The following ARHGEF4 variants were observed in gnomAD, a reference collection of about 807,000 sequenced individuals.
The protein encoded by ARHGEF4 is Rho guanine nucleotide exchange factor 4, also known as APC-stimulated guanine nucleotide exchange factor 1.
Under a neutral mutation model 162.0 loss-of-function variants are expected in ARHGEF4, and 119 were observed. That is an observed-to-expected ratio of 0.73 (90% CI 0.63 to 0.86). The LOEUF (loss-of-function observed/expected upper bound fraction) is 0.86. Ranked by LOEUF, ARHGEF4 falls within the 40% of genes least tolerant of loss-of-function variation. The probability of loss-of-function intolerance (pLI) is 0.00; values close to 1 mark genes in which losing one functional copy is unlikely to be tolerated. For synonymous variants in ARHGEF4, 1,014 were observed against 979.9 expected (o/e 1.03, Z -0.65); for missense variants, 2,488 against 2,456.0 (o/e 1.01, Z -0.28).
intron 1 of ARHGEF4, among the ~76,000 whole-genome samples, chr2:130,868,215 A>G (rs1454006344): frequency 1.3e-5 from 2 of 151,808 alleles, no homozygotes; most frequent in Non-Finnish European, 2.9e-5. Context: ...GTGAGCCACC[A>G]CACCCGGCCA....
At chr2:131,043,309 C>T in intron 10 of ARHGEF4, 143 bp from the exon 11 acceptor site, 1 of 1,103,652 alleles carries the variant, frequency 9.1e-7, no homozygotes, top group Non-Finnish European at 1.3e-6. Context: ...GCCACCTCTT[C>T]CTCCCCCTCC....
intron 3 of ARHGEF4, among the ~76,000 whole-genome samples, chr2:130,936,883 CTTTCT>C (rs1254950710): frequency 2.5e-5 from 2 of 78,492 alleles, no homozygotes; most frequent in East Asian, 8.1e-4. Flanking sequence ...TTCTCTCTTT[CTTTCT>C]TTTTTTTTTC....
In ARHGEF4 at chr2:131,041,319, C is replaced by G; in HGVS notation, c.4752C>G (p.Tyr1584Ter). The G allele has an allele frequency of 6.2e-7, 1 of 1,613,856 alleles. No homozygotes were observed. Among genetic ancestry groups the G allele is most frequent in the Non-Finnish European group, 8.5e-7 (1 of 1,180,018 alleles). ...CCCGGCTCACCAAGCTCAGCAAGTA[C>G]GTGTACTTCTTCGAGGCCTGCCGGC... ...ELSRLTKLSK[Y>*]VYFFEACRLL... The change falls in exon 9 of 14, where the codon TAC (tyrosine) becomes TAG (stop). Residue 1584 changes from tyrosine (Y) to a stop codon, truncating the protein, a stop_gained. Coordinates refer to ENST00000409359, the MANE Select transcript of ARHGEF4 (RefSeq NM_001367493.1). LOFTEE classifies it high-confidence loss of function.
chr2:130,876,134 C>A (rs576694798), intron 1 of ARHGEF4, among the ~76,000 whole-genome samples: 1 of 152,194 alleles, frequency 6.6e-6, no homozygotes, highest in Non-Finnish European at 1.5e-5. Flanking sequence ...GTCCTCACCC[C>A]GCAGGTGATT....
chr2:130,928,280 C>T (rs1682419146), intron 2 of ARHGEF4, among the ~76,000 whole-genome samples: 1 of 152,160 alleles, frequency 6.6e-6, no homozygotes, highest in Admixed American at 6.5e-5. Flanking sequence ...GTCAGTTTCT[C>T]CAGAGCGGTA....
At chr2:130,844,042 T>C (rs558988626) in intron 1 of ARHGEF4, among the ~76,000 whole-genome samples, 138 of 152,352 alleles carry the variant, frequency 9.1e-4, no homozygotes, top group African/African-American at 3.1e-3. Context: ...CCAGCCACTG[T>C]TTATAACCTG....
At chr2:130,910,827 T>G (rs1015210473) in intron 1 of ARHGEF4, among the ~76,000 whole-genome samples, 4 of 152,180 alleles carry the variant, frequency 2.6e-5, no homozygotes, top group African/African-American at 9.7e-5. Flanking sequence ...CAGAAACAGA[T>G]AACTAACACA....
chr2:130,872,319 A>G (rs1678540864), intron 1 of ARHGEF4, among the ~76,000 whole-genome samples: 1 of 152,102 alleles, frequency 6.6e-6, no homozygotes, highest in African/African-American at 2.4e-5. Flanking sequence ...TGCAAAGCCT[A>G]CCCTGACTCC....
intron 1 of ARHGEF4, among the ~76,000 whole-genome samples, chr2:130,879,055 G>T (rs16856250): frequency 0.017 from 2,521 of 152,300 alleles, 60 homozygotes; most frequent in African/African-American, 0.056. Flanking sequence ...GGAGCACCAC[G>T]GAAGAGCAAA....
At chr2:130,885,754 T>C (rs1195638334) in intron 1 of ARHGEF4, among the ~76,000 whole-genome samples, 2 of 151,564 alleles carry the variant, frequency 1.3e-5, no homozygotes, top group Non-Finnish European at 2.9e-5. Context: ...GTATTTTTAG[T>C]AGAGATGGGG....
chr2:131,007,504 G>C (rs1312550585), intron 4 of ARHGEF4, among the ~76,000 whole-genome samples: 1 of 151,982 alleles, frequency 6.6e-6, no homozygotes, highest in Non-Finnish European at 1.5e-5. Flanking sequence ...ATATAAACGT[G>C]TTTGTTGCTT....
At chr2:130,887,722 G>T (rs1411911359) in intron 1 of ARHGEF4, among the ~76,000 whole-genome samples, 2 of 152,122 alleles carry the variant, frequency 1.3e-5, no homozygotes, top group Non-Finnish European at 2.9e-5. Flanking sequence ...TTTATAATCA[G>T]CAGTAGCTTT....
intron 1 of ARHGEF4, among the ~76,000 whole-genome samples, chr2:130,855,744 C>T (rs1681731791): frequency 6.6e-6 from 1 of 152,186 alleles, no homozygotes; most frequent in Admixed American, 6.5e-5. Context: ...CCAGTGTTTT[C>T]TATGAAATGT....
At chr2:130,899,696 G>A (rs1680376592) in intron 1 of ARHGEF4, among the ~76,000 whole-genome samples, 1 of 152,196 alleles carries the variant, frequency 6.6e-6, no homozygotes, top group South Asian at 2.1e-4. Flanking sequence ...CTGGCACACT[G>A]CTTAGGAGGT....
chr2:130,968,035 C>T (rs1685113670), intron 4 of ARHGEF4, among the ~76,000 whole-genome samples: 1 of 152,218 alleles, frequency 6.6e-6, no homozygotes, highest in Non-Finnish European at 1.5e-5. Flanking sequence ...ACCCACAAGA[C>T]TGACCTTAGT....
rs1681542714 is a variant in ARHGEF4 at position 130,917,032 on chromosome 2, C to T, written c.3086C>T (p.Thr1029Ile). 2.6e-6 allele frequency: 4 copies of T among 1,550,926 alleles called. No homozygotes were observed. Among genetic ancestry groups the T allele is most frequent in the Non-Finnish European group, 3.5e-6 (4 of 1,147,080 alleles). Residue 1029 changes from threonine to isoleucine, a missense_variant, in exon 2 of 14, where the codon ACC (threonine) becomes ATC (isoleucine). Coordinates refer to ENST00000409359, the MANE Select transcript of ARHGEF4 (RefSeq NM_001367493.1). ...SPEHRRKSEPTIKCTATQEGG... is the reference protein window; with the variant it reads ...SPEHRRKSEPIIKCTATQEGG... ...GAACACAGGAGGAAAAGTGAACCGA[C>T]CATCAAGTGCACAGCCACCCAGGAA...
At chr2:130,989,820 G>C (rs1686822400) in intron 4 of ARHGEF4, among the ~76,000 whole-genome samples, 2 of 152,206 alleles carry the variant, frequency 1.3e-5, no homozygotes, top group African/African-American at 4.8e-5. Context: ...ATTAGCACTG[G>C]CCTGAGCAGG....
chr2:130,845,892 A>G (rs1398341624), intron 1 of ARHGEF4, among the ~76,000 whole-genome samples: 1 of 152,252 alleles, frequency 6.6e-6, no homozygotes, highest in Non-Finnish European at 1.5e-5. Context: ...AGTGACAGAA[A>G]GCACACAAGT....
intron 1 of ARHGEF4, among the ~76,000 whole-genome samples, chr2:130,870,801 G>A: frequency 6.6e-6 from 1 of 152,098 alleles, no homozygotes; most frequent in Non-Finnish European, 1.5e-5. Context: ...GGTTGGCGGT[G>A]GTGGCAGAGA....
Sources: allele counts gnomAD v4.1 joint callset (sites outside exome capture counted in the v4.1 genomes callset), GRCh38; gene constraint gnomAD v4.1.1; transcripts MANE v1.5; gene names NCBI Gene and HGNC (gene_info 2026-07-23, HGNC 2026-07-21).